Variants in TRPC3 observed in about 807,000 individuals in gnomAD.
TRPC3 encodes the protein short transient receptor potential channel 3.
In TRPC3, 54 loss-of-function variants were observed where a neutral mutation model predicts 90.9. The ratio of observed to expected loss-of-function variants is 0.59; its 90% CI spans 0.48 to 0.75. TRPC3 has a LOEUF of 0.75. TRPC3 is among the 30% of genes least tolerant of loss of function. The probability of loss-of-function intolerance (pLI) is 0.00; values close to 1 mark genes in which losing one functional copy is unlikely to be tolerated. For synonymous variants in TRPC3, 424 were observed against 450.9 expected, an observed-to-expected ratio of 0.94 and a Z score of 0.75; for missense variants, 918 against 1,194.5, an observed-to-expected ratio of 0.77 and a Z score of 3.41.
At chr4:121,933,193 C>T in intron 1 of TRPC3, 151 bp from the exon 2 acceptor site, 1 of 1,341,990 alleles carries the variant, frequency 7.5e-7, no homozygotes, top group East Asian at 2.8e-5. Flanking sequence ...TTGCTAACTA[C>T]TCGCCTGAAA....
chr4:121,910,788 C>T (rs1396861596), intron 5 of TRPC3, among the ~76,000 whole-genome samples: 2 of 152,120 alleles, frequency 1.3e-5, no homozygotes, highest in East Asian at 1.9e-4. Context: ...AGTTATCAAA[C>T]CATAGTGATT....
chr4:121,903,178 C>T (rs1728762766), intron 8 of TRPC3, 117 bp from the exon 9 acceptor site: 1 of 792,498 alleles, frequency 1.3e-6, no homozygotes, highest in Admixed American at 2.9e-5. Flanking sequence ...GTAACTTATA[C>T]ACATTTATCT....
intron 9 of TRPC3, among the ~76,000 whole-genome samples, chr4:121,900,881 C>A (rs1174998975): frequency 6.6e-6 from 1 of 152,152 alleles, no homozygotes; most frequent in Non-Finnish European, 1.5e-5. Flanking sequence ...GTCCAACTTT[C>A]TATTTCCAGC....
Position 121,893,457 on chromosome 4 carries a change from C to G in TRPC3, c.2547+6155G>C, listed in dbSNP as rs147458217. Among the ~76,000 whole-genome samples, 403 of 152,106 alleles carry G rather than the reference C, an allele frequency of 2.6e-3. 3 individuals are homozygous for G. Among genetic ancestry groups the G allele is most frequent in the African/African-American group, 6.3e-3 (260 of 41,516 alleles). ...CCAACTGTATAATAATCTGGAAAGA[C>G]AACATATTTGGATTCCCATCCTACA... On this transcript the variant is annotated intron_variant, in intron 10 of 11. Coordinates refer to ENST00000379645, the MANE Select transcript of TRPC3 (RefSeq NM_001130698.2).
rs2149100304 is a variant in TRPC3, at chr4:121,877,019, T to G, written c.*2717A>C. On this transcript the variant is annotated 3_prime_UTR_variant, in exon 12 of 12. Transcript: ENST00000379645. Reference sequence around the variant, plus strand: ...TTTTGGTCCTGTTTAAATGCTCCCTTCTCTGAGTTGCCCCAACAACTTCTT... The same window carrying G: ...TTTTGGTCCTGTTTAAATGCTCCCTGCTCTGAGTTGCCCCAACAACTTCTT... Among the ~76,000 whole-genome samples, 1 of 152,340 alleles carries G rather than the reference T, an allele frequency of 6.6e-6. No homozygotes were observed. Among genetic ancestry groups the G allele is most frequent in the Non-Finnish European group, 1.5e-5 (1 of 68,028 alleles).
intron 9 of TRPC3, among the ~76,000 whole-genome samples, chr4:121,900,301 G>A (rs1352847329): frequency 6.6e-6 from 1 of 152,120 alleles, no homozygotes; most frequent in Admixed American, 6.5e-5. Flanking sequence ...GAAGCAAGAG[G>A]AACACACAGG....
chr4:121,936,678 G>A, intron 1 of TRPC3, among the ~76,000 whole-genome samples: 1 of 152,180 alleles, frequency 6.6e-6, no homozygotes, highest in East Asian at 1.9e-4. Flanking sequence ...GATGGGATTA[G>A]TGCCTTTATA....
intron 10 of TRPC3, among the ~76,000 whole-genome samples, chr4:121,883,380 T>C (rs1034702676): frequency 4.6e-5 from 7 of 152,088 alleles, no homozygotes; most frequent in African/African-American, 1.4e-4. Context: ...AAAATATTGG[T>C]AATGCTTGTA....
At chr4:121,931,000 C>A (rs949495124) in intron 2 of TRPC3, among the ~76,000 whole-genome samples, 10 of 151,998 alleles carry the variant, frequency 6.6e-5, no homozygotes, top group Non-Finnish European at 1.2e-4. Context: ...GCTTTTACAT[C>A]AGAAAAATAT....
At chr4:121,944,943 G>A (rs1730436161) in intron 1 of TRPC3, among the ~76,000 whole-genome samples, 1 of 152,168 alleles carries the variant, frequency 6.6e-6, no homozygotes, top group South Asian at 2.1e-4. Flanking sequence ...ATTTCAGATG[G>A]CCTGGGGCTG....
rs1233966146 is a variant in TRPC3 at position 121,951,775 on chromosome 4, C to T, written c.-95G>A. 9.2e-6 allele frequency: 10 copies of T among 1,081,888 alleles called. No individual in the cohort carries two copies. The highest frequency in any genetic ancestry group is 1.2e-5 in the Non-Finnish European group (10 of 832,240). 67.0% of individuals were successfully genotyped at this position (1,081,888 alleles called of 1,614,324 possible). On this transcript the variant is annotated 5_prime_UTR_variant, in exon 1 of 12. Transcript: ENST00000379645. This position sits in a 1 kb window ranked among gnomAD's most constrained non-coding sequence, Gnocchi z 4.4. Reference sequence around the variant, plus strand: ...TTCCCGCGGCGCCCCTTCACCACCTCCCGCGGCTTCCGGGGCCCCGGGCGG... The same window carrying T: ...TTCCCGCGGCGCCCCTTCACCACCTTCCGCGGCTTCCGGGGCCCCGGGCGG...
chr4:121,906,644 T>C (rs1356863374), intron 7 of TRPC3, among the ~76,000 whole-genome samples: 1 of 152,126 alleles, frequency 6.6e-6, no homozygotes, highest in African/African-American at 2.4e-5. Context: ...GGAGGGTTTA[T>C]GACCTTCCCA....
In TRPC3 at chr4:121,909,752, AC is replaced by A. The variant is rs1729018652; in HGVS notation, c.1792+401del. Reference sequence around the variant, plus strand: ...ACTTTGCCTGCAGAGCAGTTTGGCAACTTTTATTATCTTATCTCCTTGAACC... The same window carrying A: ...ACTTTGCCTGCAGAGCAGTTTGGCAATTTTATTATCTTATCTCCTTGAACC... On this transcript the variant is annotated intron_variant, in intron 6 of 11. Coordinates refer to ENST00000379645, the MANE Select transcript of TRPC3 (RefSeq NM_001130698.2). 2.6e-5 allele frequency among the ~76,000 whole-genome samples: 4 copies of A among 152,156 alleles called. No homozygotes were observed. In the South Asian group the frequency reaches 8.3e-4, roughly 32 times the overall value.
At chr4:121,930,709 G>C (rs1251465669) in intron 2 of TRPC3, 1 of 306,654 alleles carries the variant, frequency 3.3e-6, no homozygotes, top group Non-Finnish European at 6.3e-6. Context: ...AAATAAATAT[G>C]TTTAGAATTA....
At chr4:121,925,447 T>C (rs964021212) in intron 2 of TRPC3, among the ~76,000 whole-genome samples, 2 of 151,982 alleles carry the variant, frequency 1.3e-5, no homozygotes, top group African/African-American at 4.8e-5. Context: ...GGCATGATTA[T>C]AATCTCACTT....
intron 5 of TRPC3, among the ~76,000 whole-genome samples, chr4:121,911,016 A>G (rs1729064413): frequency 1.3e-5 from 2 of 152,224 alleles, no homozygotes; most frequent in Non-Finnish European, 2.9e-5. Context: ...AAATAGTACA[A>G]CTTAACAACT....
At chr4:121,905,883 C>A (rs967412308) in intron 7 of TRPC3, among the ~76,000 whole-genome samples, 1 of 151,984 alleles carries the variant, frequency 6.6e-6, no homozygotes, top group African/African-American at 2.4e-5. Flanking sequence ...GATATCATGG[C>A]GTAGATGCTG....
chr4:121,922,674 C>T (rs539554867), intron 3 of TRPC3, among the ~76,000 whole-genome samples: 3 of 152,154 alleles, frequency 2.0e-5, no homozygotes, highest in African/African-American at 7.2e-5. Flanking sequence ...TGATAAAAAA[C>T]CAGTGACAAT....
chr4:121,875,573 A>G lies in TRPC3; in HGVS notation c.*4163T>C, dbSNP rs1560677701. 6.6e-6 allele frequency among the ~76,000 whole-genome samples: 1 copy of G among 152,176 alleles called. No individual in the cohort carries two copies. The highest frequency in any genetic ancestry group is 1.5e-5 in the Non-Finnish European group (1 of 68,032). ...ATCTTGGTGGTCTTTATAAAACTCA[A>G]CAGAAGATGGCTGCCTCTCAGATGT... On this transcript the variant is annotated 3_prime_UTR_variant, in exon 12 of 12. Transcript: ENST00000379645.
Sources: gnomAD v4.1 joint callset for allele counts (sites outside exome capture counted in the v4.1 genomes callset) on GRCh38, gnomAD v4.1.1 for gene constraint, Gnocchi (gnomAD v3.1) non-coding constraint, MANE v1.5 for transcripts, NCBI Gene and HGNC (gene_info 2026-07-23, HGNC 2026-07-21) for gene names.